The following NEDD4 variants were observed in gnomAD, a reference collection of about 807,000 sequenced individuals.
The protein encoded by NEDD4 is NEDD4 E3 ubiquitin protein ligase.
NEDD4 carries 99 observed loss-of-function variants against 144.9 expected under a neutral mutation model. The ratio of observed to expected loss-of-function variants is 0.68; its 90% CI spans 0.58 to 0.81. The LOEUF (loss-of-function observed/expected upper bound fraction) is 0.81. Among genes scored for constraint, NEDD4 ranks in the 30% least tolerant of loss-of-function variants. The pLI, the probability that NEDD4 is intolerant of heterozygous loss-of-function variation, is 0.00. For missense variants in NEDD4, 985 were observed against 1,065.9 expected (o/e 0.92, Z 1.06); for synonymous variants, 318 against 350.6 (o/e 0.91, Z 1.04).
At position 55,848,390 on chromosome 15, in the gene NEDD4, A is replaced by T; in HGVS notation, c.1524T>A (p.Asn508Lys). ...GACTTACTGGTCCAGTTATTGCTAC[A>T]TTCTCCAACCGAGGATCTTCCCATT... ...RTQWEDPRLE[N>K]VAITGPAVPY... Residue 508 changes from asparagine to lysine, a missense_variant, in exon 17 of 29, where the codon AAT becomes AAA. By Grantham distance (94) the Asn-to-Lys change is moderately conservative. Coordinates refer to ENST00000435532, the MANE Select transcript of NEDD4 (RefSeq NM_006154.4). The T allele has an allele frequency of 6.2e-7, 1 of 1,614,162 alleles. No individual in the cohort carries two copies. The highest frequency in any genetic ancestry group is 1.3e-5 in the African/African-American group (1 of 75,058).
intron 5 of NEDD4, among the ~76,000 whole-genome samples, chr15:55,920,572 C>T (rs1566952623): frequency 6.6e-6 from 1 of 152,172 alleles, no homozygotes; most frequent in Admixed American, 6.5e-5. Context: ...TATAAGCCTA[C>T]TCTTTATTGA....
chr15:55,862,844 T>C lies in NEDD4; in HGVS notation c.674+69A>G, dbSNP rs541375973. On this transcript the variant is annotated intron_variant, in intron 9 of 28. Coordinates refer to ENST00000435532, the MANE Select transcript of NEDD4 (RefSeq NM_006154.4). ...TACTGTTATGAATCCATCTGAGACA[T>C]GACTTCAAAATGAAAATTCGTAGTT... The C allele has an allele frequency of 7.9e-6, 11 of 1,398,178 alleles. No individual in the cohort carries two copies. The South Asian group carries it at 1.5e-4, about 19-fold the overall frequency. 86.6% of individuals were successfully genotyped at this position (1,398,178 alleles called of 1,614,324 possible). A position where few individuals can be genotyped will look rare whatever the true frequency, so the allele number is the denominator to read the frequency against.
At chr15:55,961,447 T>C (rs1382198554) in intron 2 of NEDD4, among the ~76,000 whole-genome samples, 1 of 151,810 alleles carries the variant, frequency 6.6e-6, no homozygotes, top group Non-Finnish European at 1.5e-5. Flanking sequence ...TACGTTCTTT[T>C]AAGCAACTAA....
intron 5 of NEDD4, among the ~76,000 whole-genome samples, chr15:55,890,462 C>T (rs2035532094): frequency 1.3e-5 from 2 of 152,036 alleles, no homozygotes; most frequent in South Asian, 4.1e-4. Flanking sequence ...AATACGTGGT[C>T]CTTTATGACT....
At chr15:55,869,824 T>C in intron 7 of NEDD4, 143 bp from the exon 8 acceptor site, 1 of 484,522 alleles carries the variant, frequency 2.1e-6, no homozygotes, top group Non-Finnish European at 3.6e-6. Context: ...AGAAGATATC[T>C]AGGGAAAGGA....
At chr15:55,842,865 C>T (rs1195040493) in intron 18 of NEDD4, among the ~76,000 whole-genome samples, 9 of 152,186 alleles carry the variant, frequency 5.9e-5, no homozygotes, top group African/African-American at 2.2e-4. Flanking sequence ...TCTTGCTTCA[C>T]TCATTAACAG....
At chr15:55,939,940 A>G (rs2036965471) in intron 4 of NEDD4, among the ~76,000 whole-genome samples, 2 of 152,204 alleles carry the variant, frequency 1.3e-5, no homozygotes, top group African/African-American at 2.4e-5. Context: ...CATTATTCAC[A>G]GTAGCCAAGA....
intron 5 of NEDD4, among the ~76,000 whole-genome samples, chr15:55,921,003 A>C (rs1054859942): frequency 9.2e-5 from 14 of 152,202 alleles, no homozygotes; most frequent in Admixed American, 6.5e-4. Context: ...CAGTAGATAT[A>C]CTAAATGGTA....
chr15:55,918,052 G>C (rs1195182107), intron 5 of NEDD4, among the ~76,000 whole-genome samples: 1 of 152,018 alleles, frequency 6.6e-6, no homozygotes, highest in African/African-American at 2.4e-5. Context: ...CCATTTAGCT[G>C]TTTGATATCT....
intron 19 of NEDD4, among the ~76,000 whole-genome samples, chr15:55,841,001 A>T (rs56093337): frequency 0.5 from 75,307 of 152,046 alleles, 18,868 homozygotes; most frequent in South Asian, 0.54. Flanking sequence ...TGACACGGTC[A>T]CAGCTCACTG....
chr15:55,980,558 C>G (rs2037781165), intron 1 of NEDD4, among the ~76,000 whole-genome samples: 1 of 152,028 alleles, frequency 6.6e-6, no homozygotes, highest in South Asian at 2.1e-4. Flanking sequence ...AGCCACCAAA[C>G]AAAGGAATAA....
intron 8 of NEDD4, among the ~76,000 whole-genome samples, chr15:55,866,469 T>G (rs2034592299): frequency 6.6e-6 from 1 of 152,128 alleles, no homozygotes; most frequent in Admixed American, 6.5e-5. Flanking sequence ...CAAAACACGT[T>G]AAGTTTTTAT....
chr15:55,891,232 A>C (rs1333056497), intron 5 of NEDD4, among the ~76,000 whole-genome samples: 1 of 152,236 alleles, frequency 6.6e-6, no homozygotes, highest in African/African-American at 2.4e-5. Flanking sequence ...AATGATCCCA[A>C]ATAGCTGTAT....
intron 8 of NEDD4, among the ~76,000 whole-genome samples, chr15:55,868,492 G>A (rs1250748967): frequency 1.4e-4 from 22 of 152,058 alleles, no homozygotes; most frequent in African/African-American, 4.8e-4. Flanking sequence ...GAGTTTTTCC[G>A]GTGCTGTTCT....
chr15:55,857,901 CT>C (rs2034258936), intron 11 of NEDD4, among the ~76,000 whole-genome samples: 2 of 152,098 alleles, frequency 1.3e-5, no homozygotes, highest in Admixed American at 1.3e-4. Context: ...GATCATGCTA[CT>C]GCACTCCAGC....
At chr15:55,952,406 A>G (rs1278896849) in intron 2 of NEDD4, among the ~76,000 whole-genome samples, 1 of 152,200 alleles carries the variant, frequency 6.6e-6, no homozygotes, top group East Asian at 1.9e-4. Context: ...ATGGAGAAGG[A>G]AATTCTTGTG....
At chr15:55,916,778 AG>A in intron 5 of NEDD4, 1 of 1,613,616 alleles carries the variant, frequency 6.2e-7, no homozygotes, top group Non-Finnish European at 8.5e-7. Context: ...TTTCTGACAA[AG>A]GGTAAGTATT....
At chr15:55,928,446 G>T (rs1301906028) in intron 4 of NEDD4, among the ~76,000 whole-genome samples, 1 of 152,196 alleles carries the variant, frequency 6.6e-6, no homozygotes, top group Non-Finnish European at 1.5e-5. Context: ...AGTATGGAAT[G>T]ATCCTTCATG....
At position 55,924,715 on chromosome 15, in the gene NEDD4, T is replaced by A; in HGVS notation, c.238-16A>T. 6.2e-7 allele frequency: 1 copy of A among 1,601,534 alleles called. No homozygotes were observed. Among genetic ancestry groups the A allele is most frequent in the Non-Finnish European group, 8.5e-7 (1 of 1,173,678 alleles). The stretch of plus-strand genomic sequence containing the variant: ...GAGGATGAACCTAAGAAAAACACAA[T>A]CTTTATTTAAAAACAAGTAAACATC... On this transcript the variant is annotated splice_polypyrimidine_tract_variant and intron_variant, in intron 4 of 28. Transcript: ENST00000435532.
Sources: gnomAD v4.1 joint callset for allele counts (sites outside exome capture counted in the v4.1 genomes callset) on GRCh38, gnomAD v4.1.1 for gene constraint, MANE v1.5 for transcripts, NCBI Gene and HGNC (gene_info 2026-07-23, HGNC 2026-07-21) for gene names.